Variants in TNFAIP8 observed in about 807,000 individuals in gnomAD.
The protein encoded by TNFAIP8 is tumor necrosis factor alpha-induced protein 8.
TNFAIP8 carries 7 observed loss-of-function variants against 13.3 expected under a neutral mutation model. That is an observed-to-expected ratio of 0.52 (90% confidence interval 0.30 to 0.99). The LOEUF is 0.99. TNFAIP8 is among the 50% of genes least tolerant of loss of function. TNFAIP8 has a pLI of 0.07. For synonymous variants in TNFAIP8, 94 were observed against 87.6 expected (o/e 1.07, Z -0.41); for missense variants, 258 against 236.9 (o/e 1.09, Z -0.58).
At chr5:119,343,319 T>C (rs1179345715) in intron 1 of TNFAIP8, among the ~76,000 whole-genome samples, 1 of 152,222 alleles carries the variant, frequency 6.6e-6, no homozygotes, top group African/African-American at 2.4e-5. Context: ...AGCTGTCAGA[T>C]TTATTTTTTT....
At chr5:119,277,357 T>G (rs114944929) in intron 1 of TNFAIP8, among the ~76,000 whole-genome samples, 1 of 152,350 alleles carries the variant, frequency 6.6e-6, no homozygotes, top group Non-Finnish European at 1.5e-5. Context: ...TTACTGTGTG[T>G]GGGGCTTTTG....
intron 1 of TNFAIP8, among the ~76,000 whole-genome samples, chr5:119,386,669 A>G (rs996075915): frequency 6.6e-6 from 1 of 152,142 alleles, no homozygotes; most frequent in Non-Finnish European, 1.5e-5. Context: ...TTGCCACTGT[A>G]ATGGTGCCTG....
At chr5:119,296,085 G>C (rs1338497644) in intron 1 of TNFAIP8, among the ~76,000 whole-genome samples, 1 of 149,278 alleles carries the variant, frequency 6.7e-6, no homozygotes, top group Admixed American at 6.7e-5. Flanking sequence ...GGGACAATTT[G>C]ACTTCCTCTT....
At chr5:119,290,824 G>A (rs927124438) in intron 1 of TNFAIP8, among the ~76,000 whole-genome samples, 2 of 152,168 alleles carry the variant, frequency 1.3e-5, no homozygotes, top group Non-Finnish European at 2.9e-5. Flanking sequence ...GGCATCAGGA[G>A]CAAAGCAGGG....
intron 1 of TNFAIP8, among the ~76,000 whole-genome samples, chr5:119,314,197 AC>A (rs1350544441): frequency 2.6e-5 from 4 of 151,988 alleles, no homozygotes; most frequent in African/African-American, 7.3e-5. Context: ...AAACAAACAA[AC>A]AAACAAAAAA....
At chr5:119,361,692 T>C (rs1233769575) in intron 1 of TNFAIP8, among the ~76,000 whole-genome samples, 6 of 152,184 alleles carry the variant, frequency 3.9e-5, no homozygotes, top group Admixed American at 6.5e-5. Flanking sequence ...AGCTCATGAA[T>C]TTTCCTTCCA....
upstream of TNFAIP8, chr5:119,355,932 T>G (rs1751387536): frequency 7.1e-7 from 1 of 1,404,902 alleles, no homozygotes; most frequent in East Asian, 3.0e-5. Flanking sequence ...TGAAAATCCC[T>G]GCACCAGAAC....
intron 1 of TNFAIP8, among the ~76,000 whole-genome samples, chr5:119,377,707 C>T (rs1752335246): frequency 6.6e-6 from 1 of 152,154 alleles, no homozygotes; most frequent in Non-Finnish European, 1.5e-5. Flanking sequence ...CTTCACCTTG[C>T]AAACCCCTCG....
At chr5:119,307,436 T>A (rs1199060592) in intron 1 of TNFAIP8, among the ~76,000 whole-genome samples, 1 of 152,210 alleles carries the variant, frequency 6.6e-6, no homozygotes, top group Non-Finnish European at 1.5e-5. Context: ...TAAAAAAATC[T>A]TTTGCTAGCT....
intron 1 of TNFAIP8, among the ~76,000 whole-genome samples, chr5:119,270,062 A>G (rs1202027100): frequency 6.6e-6 from 1 of 152,234 alleles, no homozygotes; most frequent in African/African-American, 2.4e-5. Flanking sequence ...AAATGTTCAA[A>G]ATCACATTCT....
chr5:119,382,753 T>C (rs1260770275), intron 1 of TNFAIP8, among the ~76,000 whole-genome samples: 2 of 152,232 alleles, frequency 1.3e-5, no homozygotes, highest in African/African-American at 4.8e-5. Flanking sequence ...GCAAGGCCCC[T>C]GACCCAGTCT....
chr5:119,354,298 G>C (rs1317782654), upstream of TNFAIP8: 3 of 152,272 alleles, frequency 2.0e-5, no homozygotes, highest in Middle Eastern at 0.01. Context: ...CTGCAACACT[G>C]ATATTTTCCA....
At chr5:119,311,558 G>C (rs1749727629) in intron 1 of TNFAIP8, among the ~76,000 whole-genome samples, 1 of 151,694 alleles carries the variant, frequency 6.6e-6, no homozygotes, top group South Asian at 2.1e-4. Context: ...GGGTGTGGTG[G>C]CGCACCTGTG....
At chr5:119,290,963 T>C (rs75301693) in intron 1 of TNFAIP8, among the ~76,000 whole-genome samples, 2,137 of 152,212 alleles carry the variant, frequency 0.014, 15 homozygotes, top group Non-Finnish European at 0.02. Context: ...AGTTTGGACT[T>C]TCTTTGATTA....
At chr5:119,299,922 G>T (rs976318047) in intron 1 of TNFAIP8, among the ~76,000 whole-genome samples, 3 of 152,250 alleles carry the variant, frequency 2.0e-5, no homozygotes, top group Non-Finnish European at 4.4e-5. Context: ...TCAGGTGCGG[G>T]TTATAATCTC....
At chr5:119,289,008 A>G (rs1748902158) in intron 1 of TNFAIP8, among the ~76,000 whole-genome samples, 1 of 152,226 alleles carries the variant, frequency 6.6e-6, no homozygotes, top group Admixed American at 6.5e-5. Context: ...ACTGCTTCCT[A>G]GCACGGTTTT....
rs57598751 is a variant in TNFAIP8, at chr5:119,348,661, A to T, written c.2-44155A>T. Among the ~76,000 whole-genome samples, 8 of 152,002 alleles carry T rather than the reference A, an allele frequency of 5.3e-5. No homozygotes were observed. In the South Asian group the frequency reaches 1.5e-3, roughly 28 times the overall value. On this transcript the variant is annotated intron_variant, in intron 1 of 1. Transcript: ENST00000274456. ...TTTGGGAGGCTGAGGTGGGTGGATC[A>T]CCTGAGGTCAGGAGTTCAAGACCAG... is the stretch of plus-strand genomic sequence containing the variant.
chr5:119,379,905 T>C (rs917234173), intron 1 of TNFAIP8, among the ~76,000 whole-genome samples: 1 of 152,176 alleles, frequency 6.6e-6, no homozygotes, highest in African/African-American at 2.4e-5. Flanking sequence ...TGCTCCTTCT[T>C]TTTAGTTCGA....
intron 1 of TNFAIP8, among the ~76,000 whole-genome samples, chr5:119,329,527 T>C (rs1485508862): frequency 6.6e-6 from 1 of 152,194 alleles, no homozygotes; most frequent in East Asian, 1.9e-4. Context: ...CTTCCTATTT[T>C]CCACACAGTT....
Sources: allele counts gnomAD v4.1 joint callset (sites outside exome capture counted in the v4.1 genomes callset), GRCh38; gene constraint gnomAD v4.1.1; transcripts MANE v1.5; gene names NCBI Gene and HGNC (gene_info 2026-07-23, HGNC 2026-07-21).